Variants in RBL1 observed in about 807,000 individuals in gnomAD.
RBL1 encodes RB transcriptional corepressor like 1.
In RBL1, 82 loss-of-function variants were observed where a neutral mutation model predicts 123.0. The ratio of observed to expected loss-of-function variants is 0.67; its 90% CI spans 0.56 to 0.80. RBL1 has a LOEUF of 0.80. Among genes scored for constraint, RBL1 ranks in the 30% least tolerant of loss-of-function variants. The pLI is 0.00. For missense variants in RBL1, 1,171 were observed against 1,299.6 expected (o/e 0.90, Z 1.52); for synonymous variants, 405 against 441.3 (o/e 0.92, Z 1.03).
chr20:37,042,510 C>T (rs1765593042), intron 13 of RBL1, among the ~76,000 whole-genome samples: 1 of 152,084 alleles, frequency 6.6e-6, no homozygotes. Flanking sequence ...ACAGAGTTAC[C>T]ATATGAACCT....
chr20:37,092,404 C>T (rs147816014), intron 1 of RBL1, among the ~76,000 whole-genome samples: 190 of 152,084 alleles, frequency 1.2e-3, no homozygotes, highest in African/African-American at 4.4e-3. Flanking sequence ...GTGGTACAAT[C>T]AGGGCCACTG....
At position 37,062,196 on chromosome 20, in the gene RBL1, G is replaced by C. The variant is rs753647882; in HGVS notation, c.971C>G (p.Ala324Gly). The C allele has an allele frequency of 3.4e-5, 55 of 1,613,966 alleles. No homozygotes were observed. Among genetic ancestry groups the C allele is most frequent in the Middle Eastern group, 1.6e-4 (1 of 6,082 alleles). The change falls in exon 8 of 22, where the codon GCA (alanine) becomes GGA (glycine). Residue 324 changes from alanine (A) to glycine (G), a missense_variant. Transcript: ENST00000373664. ...GDFDERIFLGADAEEEIGTPR... is the reference protein window; with the variant it reads ...GDFDERIFLGGDAEEEIGTPR... ...TGTTCCAATTTCCTCTTCTGCGTCT[G>C]CTCCCAAAAAGATCCTCTCATCAAA... is the stretch of plus-strand genomic sequence containing the variant.
chr20:37,061,059 T>C, intron 9 of RBL1, 44 bp downstream of exon 9: 1 of 1,477,882 alleles, frequency 6.8e-7, no homozygotes. Context: ...ACAAGAAATC[T>C]AATTTTAAAA....
chr20:37,075,792 G>A (rs989017494), intron 2 of RBL1, among the ~76,000 whole-genome samples: 5 of 152,002 alleles, frequency 3.3e-5, no homozygotes, highest in Admixed American at 2.0e-4. Flanking sequence ...TTGGCAACAT[G>A]AATAAAAAGC....
At chr20:37,079,756 G>A (rs1401534064) in intron 2 of RBL1, among the ~76,000 whole-genome samples, 3 of 152,082 alleles carry the variant, frequency 2.0e-5, no homozygotes, top group Non-Finnish European at 2.9e-5. Context: ...CCAAAGCGTT[G>A]AGATTACAGG....
chr20:37,035,133 G>C, intron 15 of RBL1, 109 bp downstream of exon 15: 3 of 1,119,912 alleles, frequency 2.7e-6, no homozygotes, highest in Middle Eastern at 3.1e-4. Context: ...AAAAAGTATA[G>C]GTTCAAGAAA....
In RBL1 at chr20:37,015,437, T is replaced by TTG. The variant is rs2064234038; in HGVS notation, c.2722+2841_2722+2842insCA. ...TAGAAAATGGCTTTTTTTGTTGTTG[T>TTG]TTTTTTTTTTTGAGATGGAGTCTCA... On this transcript the variant is annotated intron_variant, in intron 19 of 21. Transcript: ENST00000373664. Among the ~76,000 whole-genome samples the TTG allele has an allele frequency of 3.4e-5, 5 of 147,362 alleles. No individual in the cohort carries two copies. In the South Asian group the frequency reaches 1.1e-3, roughly 32 times the overall value.
intron 11 of RBL1, 45 bp downstream of exon 11, chr20:37,055,508 T>A: frequency 6.2e-7 from 1 of 1,612,862 alleles, no homozygotes; most frequent in Non-Finnish European, 8.5e-7. Context: ...GCTTCCAGGC[T>A]GACTTTTGGA....
chr20:37,089,203 T>C, intron 1 of RBL1, 81 bp from the exon 2 acceptor site: 1 of 1,345,012 alleles, frequency 7.4e-7, no homozygotes, highest in Non-Finnish European at 1.0e-6. Context: ...AGATGTAGAA[T>C]TATCTGGTCT....
intron 15 of RBL1, among the ~76,000 whole-genome samples, chr20:37,034,774 A>C (rs531381326): frequency 1.2e-4 from 19 of 152,148 alleles, no homozygotes; most frequent in Admixed American, 2.6e-4. Flanking sequence ...TAAAAAAAAA[A>C]CCACTATAGG....
intron 21 of RBL1, among the ~76,000 whole-genome samples, chr20:37,000,442 A>T (rs2063952094): frequency 7.5e-6 from 1 of 133,556 alleles, no homozygotes; most frequent in South Asian, 2.6e-4. Context: ...CTGCCCAGCC[A>T]GCTGCCCGTC....
At chr20:37,077,787 G>GAA (rs147186219) in intron 2 of RBL1, among the ~76,000 whole-genome samples, 18,227 of 117,750 alleles carry the variant, frequency 0.15, 1,615 homozygotes, top group East Asian at 0.39. Flanking sequence ...TCTATTTTCT[G>GAA]AAAAAAAAAA....
At chr20:37,067,855 A>T in intron 3 of RBL1, 131 bp downstream of exon 3, 1 of 1,055,416 alleles carries the variant, frequency 9.5e-7, no homozygotes, top group Non-Finnish European at 1.4e-6. Flanking sequence ...ATAATTGTAC[A>T]TGGATTTAAA....
In RBL1 at chr20:37,051,714, A is replaced by T. The variant is rs185087647; in HGVS notation, c.1467+3839T>A. The stretch of plus-strand genomic sequence containing the variant: ...GAGGGAGGAAAAAGAAAACAAAATT[A>T]AAAAAAAAAGAGTGAGAACAAACAG... On this transcript the variant is annotated intron_variant, in intron 11 of 21. Transcript: ENST00000373664. Among the ~76,000 whole-genome samples the T allele has an allele frequency of 4.2e-3, 621 of 148,512 alleles. 8 individuals are homozygous for T. Among genetic ancestry groups the T allele is most frequent in the African/African-American group, 0.015 (594 of 40,904 alleles).
At chr20:37,011,779 G>C (rs962948501) in intron 19 of RBL1, among the ~76,000 whole-genome samples, 2 of 152,170 alleles carry the variant, frequency 1.3e-5, no homozygotes, top group Non-Finnish European at 2.9e-5. Flanking sequence ...TTTATTAAGT[G>C]TGACTAATGC....
chr20:37,041,614 C>T (rs1230413072), intron 13 of RBL1, among the ~76,000 whole-genome samples: 2 of 152,162 alleles, frequency 1.3e-5, no homozygotes, highest in East Asian at 1.9e-4. Flanking sequence ...TGAGCCACTG[C>T]ACCAGCCTCT....
chr20:37,091,769 GGATAAAAAGATT>G (rs1395436052), intron 1 of RBL1, among the ~76,000 whole-genome samples: 1 of 151,878 alleles, frequency 6.6e-6, no homozygotes, highest in East Asian at 1.9e-4. Flanking sequence ...AACCCTAGAA[GGATAAAAAGATT>G]GATAAAAAGA....
At chr20:37,000,742 G>A (rs541290486) in intron 21 of RBL1, among the ~76,000 whole-genome samples, 18 of 129,406 alleles carry the variant, frequency 1.4e-4, no homozygotes, top group Non-Finnish European at 2.0e-4. Flanking sequence ...CCCCCCGCCC[G>A]GCCAGCCGCC....
intron 14 of RBL1, 70 bp from the exon 15 acceptor site, chr20:37,035,578 CA>C: frequency 2.3e-6 from 3 of 1,310,166 alleles, no homozygotes; most frequent in Non-Finnish European, 2.0e-6. Flanking sequence ...CTCATTCACT[CA>C]ACAGATAGTG....
Sources: gnomAD v4.1 joint callset for allele counts (sites outside exome capture counted in the v4.1 genomes callset) on GRCh38, gnomAD v4.1.1 for gene constraint, MANE v1.5 for transcripts, NCBI Gene and HGNC (gene_info 2026-07-23, HGNC 2026-07-21) for gene names.